The following TRPC4AP variants were observed in gnomAD, a reference collection of about 807,000 sequenced individuals.
TRPC4AP encodes transient receptor potential cation channel subfamily C member 4 associated protein.
In TRPC4AP, 45 loss-of-function variants were observed where a neutral mutation model predicts 99.0. The ratio of observed to expected loss-of-function variants is 0.45; its 90% CI spans 0.36 to 0.58. The LOEUF (loss-of-function observed/expected upper bound fraction) is 0.58, where lower values mean the gene tolerates loss of function less well. Among genes scored for constraint, TRPC4AP ranks in the 20% least tolerant of loss-of-function variants. The probability of loss-of-function intolerance (pLI) is 0.00; values close to 1 mark genes in which losing one functional copy is unlikely to be tolerated. For synonymous variants in TRPC4AP, 408 were observed against 385.8 expected, an observed-to-expected ratio of 1.06 and a Z score of -0.67; for missense variants, 879 against 985.3, an observed-to-expected ratio of 0.89 and a Z score of 1.44.
At chr20:35,068,960 C>CACACA (rs1555914228) in intron 3 of TRPC4AP, among the ~76,000 whole-genome samples, 33 of 108,040 alleles carry the variant, frequency 3.1e-4, no homozygotes, top group East Asian at 1.0e-3. Flanking sequence ...CACACACACA[C>CACACA]ACACACACAC....
intron 1 of TRPC4AP, among the ~76,000 whole-genome samples, chr20:35,087,560 C>T (rs190050970): frequency 1.3e-5 from 2 of 152,092 alleles, no homozygotes; most frequent in African/African-American, 4.8e-5. Flanking sequence ...TAGAGCCCAG[C>T]GTTTACTCAG....
At chr20:35,084,567 T>G (rs961103025) in intron 1 of TRPC4AP, among the ~76,000 whole-genome samples, 1 of 138,670 alleles carries the variant, frequency 7.2e-6, no homozygotes, top group Non-Finnish European at 1.6e-5. Context: ...TATGCATATA[T>G]GTGTATATGT....
At chr20:35,059,796 C>A (rs1272206869) in intron 3 of TRPC4AP, among the ~76,000 whole-genome samples, 3 of 147,972 alleles carry the variant, frequency 2.0e-5, no homozygotes, top group South Asian at 2.2e-4. Flanking sequence ...AAGAAGAAGG[C>A]GAAGACGAAG....
intron 3 of TRPC4AP, among the ~76,000 whole-genome samples, chr20:35,067,860 A>G (rs963122520): frequency 4.6e-5 from 7 of 152,128 alleles, no homozygotes; most frequent in African/African-American, 1.4e-4. Flanking sequence ...GAGGTGGTAG[A>G]GGTAGGGGAG....
intron 1 of TRPC4AP, among the ~76,000 whole-genome samples, chr20:35,086,533 G>GTATATATGTA (rs1308760481): frequency 2.7e-5 from 2 of 73,474 alleles, no homozygotes; most frequent in Non-Finnish European, 4.9e-5. Flanking sequence ...ATATGTGTGT[G>GTATATATGTA]TGTGTGTGTG....
Position 35,021,182 on chromosome 20 carries a change from GGGCCCACC to G in TRPC4AP, c.1218_1218+7del. 6.2e-7 allele frequency: 1 copy of G among 1,608,700 alleles called. No individual in the cohort carries two copies. Among genetic ancestry groups the G allele is most frequent in the Non-Finnish European group, 8.5e-7 (1 of 1,176,242 alleles). ...CCCCGTGTCCTGAGACGCTGGAGAG[GGGCCCACC>G]TGGTTTCGCTGACGCCCCATCAGCA... On this transcript the variant is annotated splice_donor_variant and splice_donor_5th_base_variant and coding_sequence_variant and intron_variant, in exon 9 of 19. Coordinates refer to ENST00000252015, the MANE Select transcript of TRPC4AP (RefSeq NM_015638.3). LOFTEE classifies it high-confidence loss of function.
At chr20:35,059,915 G>C (rs2083949443) in intron 3 of TRPC4AP, among the ~76,000 whole-genome samples, 1 of 99,096 alleles carries the variant, frequency 1.0e-5, no homozygotes, top group Non-Finnish European at 2.3e-5. Flanking sequence ...CGAAGACGAA[G>C]AAGACAAAGA....
intron 1 of TRPC4AP, among the ~76,000 whole-genome samples, chr20:35,091,263 T>A (rs1412906431): frequency 6.6e-6 from 1 of 151,996 alleles, no homozygotes; most frequent in Non-Finnish European, 1.5e-5. Flanking sequence ...GTGCTGGGAT[T>A]ACAGGGTCTT....
Position 35,069,337 on chromosome 20 carries a change from A to C in TRPC4AP, c.373T>G (p.Tyr125Asp). ...EERKLTQETT[Y>D]PNTYIFDLFG... ...AAGTCAAAAATGTAAGTATTTGGAT[A>C]AGTGGTTTCTTGGGTAAGTTTCCTC... Residue 125 changes from tyrosine to aspartate, a missense_variant, in exon 3 of 19, where the codon TAT (tyrosine) becomes GAT (aspartate). Around this residue, in one of 3 missense-constraint regions of TRPC4AP, gnomAD observed 603 missense variants for 631.8 expected, o/e 0.95. Transcript: ENST00000252015. 2 of 1,612,036 alleles carry C rather than the reference A, an allele frequency of 1.2e-6. No individual in the cohort carries two copies. Among genetic ancestry groups the C allele is most frequent in the South Asian group, 2.2e-5 (2 of 90,984 alleles).
At chr20:35,058,682 A>G (rs1008824496) in intron 3 of TRPC4AP, among the ~76,000 whole-genome samples, 1 of 140,108 alleles carries the variant, frequency 7.1e-6, no homozygotes. Flanking sequence ...TATTAAAAGA[A>G]AATTCTTTTT....
chr20:35,057,814 G>T (rs1474030353), intron 3 of TRPC4AP, among the ~76,000 whole-genome samples: 2 of 152,160 alleles, frequency 1.3e-5, no homozygotes, highest in Admixed American at 1.3e-4. Flanking sequence ...TTGAAAAGAA[G>T]TATTTTAGAT....
intron 1 of TRPC4AP, among the ~76,000 whole-genome samples, chr20:35,082,766 GAAT>G (rs1290232786): frequency 6.6e-6 from 1 of 152,018 alleles, no homozygotes; most frequent in Admixed American, 6.6e-5. Context: ...ACATAAAGGA[GAAT>G]AATTATTTGA....
At chr20:35,087,338 CAAA>C (rs11483432) in intron 1 of TRPC4AP, among the ~76,000 whole-genome samples, 1 of 111,538 alleles carries the variant, frequency 9.0e-6, no homozygotes, top group Admixed American at 9.6e-5. Context: ...GACTCCATCT[CAAA>C]AAAAAAAAAA....
At chr20:35,079,795 T>C (rs2084582517) in intron 1 of TRPC4AP, among the ~76,000 whole-genome samples, 1 of 151,808 alleles carries the variant, frequency 6.6e-6, no homozygotes, top group East Asian at 1.9e-4. Context: ...GGCGGGAGGA[T>C]TGCTTCAGCT....
intron 6 of TRPC4AP, among the ~76,000 whole-genome samples, chr20:35,045,000 C>A (rs2083526853): frequency 6.6e-6 from 1 of 151,678 alleles, no homozygotes; most frequent in Admixed American, 6.6e-5. Flanking sequence ...GTATATTTTG[C>A]CTATTTAAAA....
rs115917242 is a variant in TRPC4AP at position 35,015,652 on chromosome 20, C to T, written c.1350+356G>A. On this transcript the variant is annotated intron_variant, in intron 10 of 18. Coordinates refer to ENST00000252015, the MANE Select transcript of TRPC4AP (RefSeq NM_015638.3). ...CAATTTTTGTATTTTTAGTGAGAGACGCAAGTGTCTCTCACACTAGTGAGA... is the reference window on the plus strand; with the variant it reads ...CAATTTTTGTATTTTTAGTGAGAGATGCAAGTGTCTCTCACACTAGTGAGA... Among the ~76,000 whole-genome samples, 1,134 of 151,112 alleles carry T rather than the reference C, an allele frequency of 7.5e-3. 14 individuals carry two copies. The highest frequency in any genetic ancestry group is 0.026 in the African/African-American group (1,066 of 41,194).
chr20:35,020,793 C>T (rs545289779), intron 9 of TRPC4AP, among the ~76,000 whole-genome samples: 37 of 152,286 alleles, frequency 2.4e-4, no homozygotes, highest in African/African-American at 8.7e-4. Flanking sequence ...GCTCCCTGTA[C>T]TTGCCCAGTT....
intron 1 of TRPC4AP, among the ~76,000 whole-genome samples, chr20:35,082,193 T>G (rs2084665314): frequency 6.6e-6 from 1 of 152,038 alleles, no homozygotes; most frequent in African/African-American, 2.4e-5. Context: ...ATTTTACACA[T>G]CTCTTTCAAA....
At chr20:35,063,241 A>C (rs2084054220) in intron 3 of TRPC4AP, among the ~76,000 whole-genome samples, 1 of 152,162 alleles carries the variant, frequency 6.6e-6, no homozygotes. Context: ...GAGTTTCCTG[A>C]GGCCTCCCAG....
Sources: gnomAD v4.1 joint callset for allele counts (sites outside exome capture counted in the v4.1 genomes callset) on GRCh38, gnomAD v4.1.1 for gene constraint, gnomAD v4.1.1 regional missense constraint, MANE v1.5 for transcripts, NCBI Gene and HGNC (gene_info 2026-07-23, HGNC 2026-07-21) for gene names.